The following PHOSPHO2 variants were observed in gnomAD, a reference collection of about 807,000 sequenced individuals.
The protein encoded by PHOSPHO2 is pyridoxal phosphate phosphatase PHOSPHO2.
In PHOSPHO2, 14 loss-of-function variants were observed where a neutral mutation model predicts 16.4. The observed-to-expected ratio is 0.85, with a 90% CI of 0.56 to 1.33. The LOEUF (loss-of-function observed/expected upper bound fraction) is 1.33, where lower values mean the gene tolerates loss of function less well. Among genes scored for constraint, PHOSPHO2 ranks in the 40% most tolerant of loss-of-function variants. The probability of loss-of-function intolerance (pLI) is 0.00; values close to 1 mark genes in which losing one functional copy is unlikely to be tolerated. For missense variants in PHOSPHO2, 246 were observed against 282.5 expected, an observed-to-expected ratio of 0.87 and a Z score of 0.93; for synonymous variants, 85 against 90.5, an observed-to-expected ratio of 0.94 and a Z score of 0.34.
intron 2 of PHOSPHO2, among the ~76,000 whole-genome samples, chr2:169,696,695 A>AT (rs1283380467): frequency 2.6e-5 from 4 of 152,264 alleles, no homozygotes; most frequent in Non-Finnish European, 5.9e-5. Context: ...TTCAAAACAG[A>AT]TTCACATTCT....
intron 2 of PHOSPHO2, among the ~76,000 whole-genome samples, 165 bp downstream of exon 2, chr2:169,695,412 G>A (rs1295478999): frequency 2.0e-5 from 3 of 152,162 alleles, no homozygotes; most frequent in Non-Finnish European, 4.4e-5. Context: ...CGAGGCGGGC[G>A]GATCACGAGG....
At chr2:169,700,476 TA>T (rs1687713509) in intron 3 of PHOSPHO2, among the ~76,000 whole-genome samples, 1 of 152,008 alleles carries the variant, frequency 6.6e-6, no homozygotes, top group African/African-American at 2.4e-5. Context: ...TTTTTGTTAC[TA>T]AATACCTTTT....
At chr2:169,698,719 T>G (rs1028089333) in intron 3 of PHOSPHO2, among the ~76,000 whole-genome samples, 1 of 152,190 alleles carries the variant, frequency 6.6e-6, no homozygotes, top group Non-Finnish European at 1.5e-5. Context: ...GATTTATAAT[T>G]AATCACCTTC....
chr2:169,698,551 G>C (rs963390917), intron 3 of PHOSPHO2, among the ~76,000 whole-genome samples: 4 of 152,030 alleles, frequency 2.6e-5, no homozygotes, highest in African/African-American at 9.7e-5. Flanking sequence ...AAAGTTTTTA[G>C]GTCAGTGCCT....
chr2:169,695,650 A>G (rs1687499450), intron 2 of PHOSPHO2, among the ~76,000 whole-genome samples: 1 of 151,762 alleles, frequency 6.6e-6, no homozygotes, highest in Non-Finnish European at 1.5e-5. Flanking sequence ...AAAAAAAAAA[A>G]GTTTCAAGAA....
In PHOSPHO2 at chr2:169,701,596, T is replaced by A. The variant is rs1170935873; in HGVS notation, c.625T>A (p.Ser209Thr). The A allele has an allele frequency of 4.3e-6, 7 of 1,609,562 alleles. No individual in the cohort carries two copies. The highest frequency in any genetic ancestry group is 5.9e-6 in the Non-Finnish European group (7 of 1,179,808). ...AGGATATACCTTACAGAAAACTCTTTCCAGAATGTCTCAAAATCTTGAGCC... is the reference window on the plus strand; with the variant it reads ...AGGATATACCTTACAGAAAACTCTTACCAGAATGTCTCAAAATCTTGAGCC... ...RKGYTLQKTL[S>T]RMSQNLEPME... The change falls in exon 4 of 4, where the codon TCC (serine) becomes ACC (threonine). Residue 209 changes from serine to threonine, a missense_variant. Ser to Thr is a moderately conservative substitution (Grantham distance 58, BLOSUM62 1). Coordinates refer to ENST00000359744, the MANE Select transcript of PHOSPHO2 (RefSeq NM_001008489.4).
chr2:169,695,085 A>G (rs1341695027), intron 1 of PHOSPHO2, 130 bp from the exon 2 acceptor site: 1 of 152,836 alleles, frequency 6.5e-6, no homozygotes. Flanking sequence ...ATGTACAGAT[A>G]ACTTCATTAC....
At chr2:169,699,154 C>G (rs1687655478) in intron 3 of PHOSPHO2, among the ~76,000 whole-genome samples, 2 of 152,178 alleles carry the variant, frequency 1.3e-5, no homozygotes, top group East Asian at 3.9e-4. Flanking sequence ...TAGCTGTTTT[C>G]CTGATGCTCT....
In PHOSPHO2 at chr2:169,700,987, G is replaced by A. The variant is rs1156944182; in HGVS notation, c.16G>A (p.Val6Ile). 5 of 1,592,642 alleles carry A rather than the reference G, an allele frequency of 3.1e-6. No homozygotes were observed. Among genetic ancestry groups the A allele is most frequent in the East Asian group, 4.5e-5 (2 of 44,596 alleles). The stretch of plus-strand genomic sequence containing the variant: ...TTCTGGAACCATGAAAATTTTGCTA[G>A]TTTTTGACTTTGACAATACAATCAT... The part of the protein sequence containing the change: MKILL[V>I]FDFDNTIIDD... Residue 6 changes from valine (V) to isoleucine (I), a missense_variant, in exon 4 of 4, where the codon GTT becomes ATT. By Grantham distance (29) the Val-to-Ile change is conservative (BLOSUM62 3). Transcript: ENST00000359744.
intron 1 of PHOSPHO2, among the ~76,000 whole-genome samples, chr2:169,694,931 G>T (rs1174018237): frequency 6.6e-6 from 1 of 152,204 alleles, no homozygotes; most frequent in East Asian, 1.9e-4. Flanking sequence ...TTAAAAATAG[G>T]AATGTTAAAA....
At chr2:169,696,545 CTG>C (rs1381525367) in intron 2 of PHOSPHO2, among the ~76,000 whole-genome samples, 1 of 152,130 alleles carries the variant, frequency 6.6e-6, no homozygotes, top group African/African-American at 2.4e-5. Flanking sequence ...TCTTGGATGT[CTG>C]TGTAGTTTTT....
intron 2 of PHOSPHO2, among the ~76,000 whole-genome samples, chr2:169,696,850 C>T (rs1054551548): frequency 3.3e-5 from 5 of 152,144 alleles, no homozygotes; most frequent in African/African-American, 9.7e-5. Flanking sequence ...AAATCTCAAT[C>T]AGCTTAACAC....
intron 2 of PHOSPHO2, among the ~76,000 whole-genome samples, chr2:169,696,901 TTTC>T (rs531273393): frequency 2.4e-4 from 37 of 152,294 alleles, no homozygotes; most frequent in Admixed American, 3.3e-4. Context: ...TCACATAACA[TTTC>T]TTATTTTCGA....
chr2:169,699,891 G>A (rs1468095897), intron 3 of PHOSPHO2, among the ~76,000 whole-genome samples: 1 of 151,732 alleles, frequency 6.6e-6, no homozygotes, highest in African/African-American at 2.4e-5. Context: ...GTTTTTTCTT[G>A]TAAATTTGTT....
chr2:169,700,894 G>A, intron 3 of PHOSPHO2, 52 bp from the exon 4 acceptor site: 1 of 1,430,954 alleles, frequency 7.0e-7, no homozygotes, highest in Non-Finnish European at 9.3e-7. Flanking sequence ...AAGTATTTTA[G>A]CTAGATATGT....
chr2:169,701,033 G>A lies in PHOSPHO2; in HGVS notation c.62G>A (p.Trp21Ter), dbSNP rs960986237. 9.9e-6 allele frequency: 16 copies of A among 1,613,270 alleles called. No individual in the cohort carries two copies. The highest frequency in any genetic ancestry group is 1.2e-5 in the Non-Finnish European group (14 of 1,179,868). The change falls in exon 4 of 4, where the codon TGG becomes TAG. Residue 21 changes from tryptophan (W) to a stop codon, truncating the protein, a stop_gained. Transcript: ENST00000359744. LOFTEE classifies it high-confidence loss of function. ...NTIIDDNSDT[W>*]IVQCAPNKKL... ...ATCATAGATGACAATAGTGACACTT[G>A]GATTGTACAATGTGCTCCCAACAAA...
intron 2 of PHOSPHO2, among the ~76,000 whole-genome samples, chr2:169,696,343 G>A (rs1407385238): frequency 2.0e-5 from 3 of 152,244 alleles, no homozygotes; most frequent in Non-Finnish European, 2.9e-5. Context: ...TAGAAAAAGT[G>A]TGAACTACGG....
At chr2:169,698,755 A>G (rs1422605868) in intron 3 of PHOSPHO2, among the ~76,000 whole-genome samples, 1 of 152,200 alleles carries the variant, frequency 6.6e-6, no homozygotes, top group African/African-American at 2.4e-5. Context: ...AAACAGAGAC[A>G]TAAGTAATTG....
chr2:169,699,686 ATC>A (rs1687676424), intron 3 of PHOSPHO2, among the ~76,000 whole-genome samples: 1 of 152,160 alleles, frequency 6.6e-6, no homozygotes, highest in African/African-American at 2.4e-5. Context: ...CCTTGCCAGC[ATC>A]TGTTATTTTT....
Sources: allele counts gnomAD v4.1 joint callset (sites outside exome capture counted in the v4.1 genomes callset), GRCh38; gene constraint gnomAD v4.1.1; transcripts MANE v1.5; gene names NCBI Gene and HGNC (gene_info 2026-07-23, HGNC 2026-07-21).